CTNNA3: variants seen among roughly 807,000 people sequenced by gnomAD.
CTNNA3 encodes the protein catenin alpha-3.
Under a neutral mutation model 95.7 loss-of-function variants are expected in CTNNA3, and 76 were observed. The observed-to-expected ratio is 0.79, with a 90% confidence interval of 0.66 to 0.96. The LOEUF (loss-of-function observed/expected upper bound fraction) is 0.96, where lower values mean the gene tolerates loss of function less well. CTNNA3 is among the 40% of genes least tolerant of loss of function. The probability of loss-of-function intolerance (pLI) is 0.00; values close to 1 mark genes in which losing one functional copy is unlikely to be tolerated. For synonymous variants in CTNNA3, 431 were observed against 374.4 expected, an observed-to-expected ratio of 1.15 and a Z score of -1.74; for missense variants, 1,191 against 1,089.8, an observed-to-expected ratio of 1.09 and a Z score of -1.31.
chr10:66,741,953 C>G (rs528206785), intron 9 of CTNNA3, among the ~76,000 whole-genome samples: 4 of 152,046 alleles, frequency 2.6e-5, no homozygotes, highest in Non-Finnish European at 4.4e-5. Context: ...GTTAACTGCA[C>G]AAATTGTTTG....
At chr10:67,232,870 G>A (rs975053931) in intron 5 of CTNNA3, among the ~76,000 whole-genome samples, 4 of 151,894 alleles carry the variant, frequency 2.6e-5, no homozygotes, top group Non-Finnish European at 4.4e-5. Context: ...CCTAGTCTCT[G>A]ATAAAACAGA....
At chr10:66,510,937 A>AC (rs1317330389) in intron 11 of CTNNA3, among the ~76,000 whole-genome samples, 3 of 151,822 alleles carry the variant, frequency 2.0e-5, no homozygotes, top group Admixed American at 2.0e-4. Context: ...TTAATCCTCA[A>AC]TTTTTTGGAA....
At chr10:67,479,186 A>T (rs564582029) in intron 5 of CTNNA3, among the ~76,000 whole-genome samples, 19 of 152,336 alleles carry the variant, frequency 1.2e-4, no homozygotes, top group Non-Finnish European at 2.4e-4. Context: ...AAAATTAGGC[A>T]GATCACTGAG....
At chr10:66,375,229 GAA>G (rs541587849) in intron 12 of CTNNA3, among the ~76,000 whole-genome samples, 62 of 110,032 alleles carry the variant, frequency 5.6e-4, no homozygotes, top group African/African-American at 1.9e-3. Flanking sequence ...GCCCACATCA[GAA>G]AAAAAAAAAA....
intron 1 of CTNNA3, among the ~76,000 whole-genome samples, chr10:67,726,357 TG>T (rs566405338): frequency 4.9e-5 from 2 of 40,594 alleles, no homozygotes; most frequent in East Asian, 1.7e-3. Flanking sequence ...ATGATATATA[TG>T]ATATAATATA....
chr10:66,770,531 T>C (rs1045866817), intron 8 of CTNNA3, among the ~76,000 whole-genome samples: 2 of 152,186 alleles, frequency 1.3e-5, no homozygotes, highest in Admixed American at 1.3e-4. Context: ...CAAACTGAGG[T>C]GCTTTTCATC....
intron 2 of CTNNA3, among the ~76,000 whole-genome samples, chr10:67,637,925 A>G (rs1235285946): frequency 6.6e-6 from 1 of 152,236 alleles, no homozygotes; most frequent in Non-Finnish European, 1.5e-5. Flanking sequence ...AATTGTAAAG[A>G]CCATCAAGGC....
intron 5 of CTNNA3, among the ~76,000 whole-genome samples, chr10:67,259,604 T>A (rs918900576): frequency 6.6e-6 from 1 of 152,204 alleles, no homozygotes; most frequent in African/African-American, 2.4e-5. Flanking sequence ...TGAGAGCACT[T>A]ACACTGTAAA....
At chr10:66,630,103 A>G (rs1845080058) in intron 9 of CTNNA3, among the ~76,000 whole-genome samples, 1 of 152,208 alleles carries the variant, frequency 6.6e-6, no homozygotes, top group African/African-American at 2.4e-5. Flanking sequence ...TTCAGCCTAC[A>G]GTGCCAGTAC....
intron 9 of CTNNA3, among the ~76,000 whole-genome samples, chr10:66,745,005 A>G (rs1270446919): frequency 6.6e-6 from 1 of 152,192 alleles, no homozygotes; most frequent in African/African-American, 2.4e-5. Flanking sequence ...TTTAAAAGCT[A>G]AGAGTCACAA....
intron 14 of CTNNA3, among the ~76,000 whole-genome samples, chr10:66,088,438 A>G (rs1187940978): frequency 6.7e-6 from 1 of 150,052 alleles, no homozygotes; most frequent in East Asian, 2.0e-4. Flanking sequence ...TCTACATGTT[A>G]TTAATGGTTA....
At chr10:67,480,870 G>A (rs369327808) in intron 5 of CTNNA3, among the ~76,000 whole-genome samples, 38 of 152,198 alleles carry the variant, frequency 2.5e-4, no homozygotes, top group African/African-American at 8.7e-4. Context: ...AACGATACTA[G>A]CAAACTGAAT....
At chr10:66,156,160 A>C (rs981121529) in intron 13 of CTNNA3, among the ~76,000 whole-genome samples, 2 of 151,932 alleles carry the variant, frequency 1.3e-5, no homozygotes, top group Non-Finnish European at 2.9e-5. Context: ...AAGGAACAGC[A>C]TGATGGTGAA....
chr10:66,222,645 AAG>A (rs751380596), intron 13 of CTNNA3, among the ~76,000 whole-genome samples: 135 of 127,268 alleles, frequency 1.1e-3, no homozygotes, highest in Non-Finnish European at 1.5e-3. Context: ...AAAGAAAGAA[AAG>A]AGAGGAAGAG....
At chr10:67,327,967 C>T (rs561732687) in intron 5 of CTNNA3, among the ~76,000 whole-genome samples, 2 of 152,230 alleles carry the variant, frequency 1.3e-5, no homozygotes, top group East Asian at 3.9e-4. Flanking sequence ...GAGGATCCAC[C>T]ATTCTCTGCA....
At chr10:66,588,924 C>G (rs1843453326) in intron 10 of CTNNA3, among the ~76,000 whole-genome samples, 1 of 143,990 alleles carries the variant, frequency 6.9e-6, no homozygotes, top group South Asian at 2.2e-4. Context: ...GTCTCTGTGT[C>G]TGAAGCCAAC....
intron 5 of CTNNA3, among the ~76,000 whole-genome samples, chr10:67,411,491 T>C (rs373551665): frequency 2.6e-5 from 4 of 152,172 alleles, no homozygotes; most frequent in Admixed American, 6.6e-5. Context: ...AGCAGCCCAT[T>C]CCAAATGAGG....
At chr10:66,065,480 T>C (rs1222848522) in intron 15 of CTNNA3, among the ~76,000 whole-genome samples, 1 of 152,112 alleles carries the variant, frequency 6.6e-6, no homozygotes, top group Non-Finnish European at 1.5e-5. Context: ...TCTTTTTAAA[T>C]AAGGTTTTTT....
intron 7 of CTNNA3, among the ~76,000 whole-genome samples, chr10:66,845,515 C>T (rs537567107): frequency 5.2e-4 from 79 of 151,264 alleles, no homozygotes; most frequent in Middle Eastern, 6.9e-3. Flanking sequence ...ACCAGCCTGA[C>T]CAACATGGAG....
Sources: gnomAD v4.1 joint callset for allele counts (sites outside exome capture counted in the v4.1 genomes callset) on GRCh38, gnomAD v4.1.1 for gene constraint, MANE v1.5 for transcripts, NCBI Gene and HGNC (gene_info 2026-07-23, HGNC 2026-07-21) for gene names.